Variants in SGCD observed in about 807,000 individuals in gnomAD.
SGCD encodes the protein sarcoglycan delta.
SGCD carries 18 observed loss-of-function variants against 36.6 expected under a neutral mutation model. The ratio of observed to expected loss-of-function variants is 0.49; its 90% confidence interval spans 0.34 to 0.73. The LOEUF (loss-of-function observed/expected upper bound fraction) is 0.73. SGCD is among the 30% of genes least tolerant of loss of function. SGCD has a pLI of 0.01. For synonymous variants in SGCD, 133 were observed against 130.6 expected, an observed-to-expected ratio of 1.02 and a Z score of -0.12; for missense variants, 387 against 346.7, an observed-to-expected ratio of 1.12 and a Z score of -0.92.
At chr5:156,005,391 A>G (rs1465687) in intron 1 of SGCD, among the ~76,000 whole-genome samples, 31,575 of 152,082 alleles carry the variant, frequency 0.21, 4,051 homozygotes, top group South Asian at 0.37. Context: ...TCATGCTACA[A>G]TGAAAATTAG....
chr5:156,368,852 C>G (rs1188012621), intron 3 of SGCD, among the ~76,000 whole-genome samples: 2 of 152,136 alleles, frequency 1.3e-5, no homozygotes, highest in Non-Finnish European at 2.9e-5. Context: ...CCCACTGATT[C>G]TACATTATGC....
chr5:156,752,758 A>G (rs1757197608), intron 7 of SGCD, among the ~76,000 whole-genome samples: 1 of 152,218 alleles, frequency 6.6e-6, no homozygotes, highest in African/African-American at 2.4e-5. Context: ...ATAAAATTTA[A>G]TAATTCAGAT....
chr5:156,413,265 A>G (rs949626366), intron 3 of SGCD, among the ~76,000 whole-genome samples: 3 of 152,244 alleles, frequency 2.0e-5, no homozygotes, highest in Non-Finnish European at 2.9e-5. Flanking sequence ...TCAAATGTTC[A>G]AAGAAGGCAT....
intron 4 of SGCD, among the ~76,000 whole-genome samples, chr5:156,576,258 T>G (rs567985381): frequency 6.6e-6 from 1 of 152,258 alleles, no homozygotes; most frequent in South Asian, 2.1e-4. Flanking sequence ...GTGAACTCAT[T>G]CTTTTTCATG....
the SGCD span, among the ~76,000 whole-genome samples, chr5:155,854,456 T>A: frequency 6.6e-6 from 1 of 152,184 alleles, no homozygotes; most frequent in Non-Finnish European, 1.5e-5. Flanking sequence ...AAGAAGCTTT[T>A]TTTCGTGGAT....
rs1355960929 is a variant in SGCD at position 156,062,203 on chromosome 5, A to G, written c.-281-55675A>G. Reference sequence around the variant, plus strand: ...CGGTGTTTGGTTTTTTGTTCTTGCGATAGTTTACTGAGAATGATGGTTTCC... The same window carrying G: ...CGGTGTTTGGTTTTTTGTTCTTGCGGTAGTTTACTGAGAATGATGGTTTCC... On this transcript the variant is annotated intron_variant, in intron 1 of 9. Transcript: ENST00000517913. 7.8e-5 allele frequency among the ~76,000 whole-genome samples: 6 copies of G among 77,400 alleles called. 1 individual carries two copies. Among genetic ancestry groups the G allele is most frequent in the African/African-American group, 6.4e-4 (6 of 9,352 alleles). 50.8% of individuals were successfully genotyped at this position (77,400 alleles called of 152,430 possible). A position where few individuals can be genotyped will look rare whatever the true frequency, so the allele number is the denominator to read the frequency against.
intron 7 of SGCD, among the ~76,000 whole-genome samples, chr5:156,689,289 G>A (rs1424100138): frequency 6.6e-6 from 1 of 152,160 alleles, no homozygotes; most frequent in African/African-American, 2.4e-5. Context: ...TTAAAAAACA[G>A]ATTGATAGCT....
In SGCD at chr5:156,344,514, A is replaced by G; in HGVS notation, c.29A>G (p.His10Arg). 6.2e-7 allele frequency: 1 copy of G among 1,606,906 alleles called. No homozygotes were observed. The highest frequency in any genetic ancestry group is 8.5e-7 in the Non-Finnish European group (1 of 1,176,940). MMPQEQYTH[H>R]RSTMPGSVGP... ...ATGCCTCAGGAGCAGTACACTCACC[A>G]CCGGAGCACCATGCCTGGCTCTGTG... Residue 10 changes from histidine (H) to arginine (R), a missense_variant, in exon 3 of 9, where the codon CAC becomes CGC. Physicochemically the swap from His to Arg is conservative, Grantham distance 29. Coordinates refer to ENST00000337851, the MANE Select transcript of SGCD (RefSeq NM_000337.6).
chr5:156,673,403 C>A (rs1753382838), intron 7 of SGCD, among the ~76,000 whole-genome samples: 1 of 152,088 alleles, frequency 6.6e-6, no homozygotes, highest in Admixed American at 6.6e-5. Context: ...AATTTGAAGC[C>A]CCTGGCCTAC....
rs374163476 is a variant in SGCD at position 156,608,294 on chromosome 5, G to A, written c.502+13243G>A. ...AGATCTTTATTTCTGCCTTCATTTCGTTATGTACCCAGTAGTCATTCAGGA... is the reference window on the plus strand; with the variant it reads ...AGATCTTTATTTCTGCCTTCATTTCATTATGTACCCAGTAGTCATTCAGGA... On this transcript the variant is annotated intron_variant, in intron 6 of 8. Transcript: ENST00000337851. Among the ~76,000 whole-genome samples the A allele has an allele frequency of 3.8e-4, 58 of 152,198 alleles. 1 individual carries two copies. In the East Asian group the frequency reaches 7.7e-3, roughly 20 times the overall value.
At chr5:156,146,571 C>G (rs750132295) in intron 3 of SGCD, among the ~76,000 whole-genome samples, 1 of 152,200 alleles carries the variant, frequency 6.6e-6, no homozygotes, top group African/African-American at 2.4e-5. Flanking sequence ...CATTACAACT[C>G]TAACTTTAGT....
At chr5:156,574,577 A>G (rs543833452) in intron 4 of SGCD, among the ~76,000 whole-genome samples, 10 of 152,102 alleles carry the variant, frequency 6.6e-5, no homozygotes, top group Non-Finnish European at 1.5e-4. Flanking sequence ...ACAGCACACC[A>G]CAAAGAAAGG....
chr5:155,838,791 AACAATT>A, the SGCD span, among the ~76,000 whole-genome samples: 1 of 140,080 alleles, frequency 7.1e-6, no homozygotes, highest in Non-Finnish European at 1.6e-5. Context: ...AAAAAAAAAA[AACAATT>A]CAATCTACTT....
Position 156,442,134 on chromosome 5 carries a change from G to A in SGCD, c.193-66467G>A, listed in dbSNP as rs146878774. Among the ~76,000 whole-genome samples the A allele has an allele frequency of 9.3e-4, 142 of 152,316 alleles. 1 individual carries two copies. Among genetic ancestry groups the A allele is most frequent in the South Asian group, 6.2e-3 (30 of 4,832 alleles). ...AGATTTAGCTCAGAATTCAGCCGCA[G>A]GGTTGTTTTTTCAGGGCAGAGCAGT... On this transcript the variant is annotated intron_variant, in intron 3 of 8. Transcript: ENST00000337851.
chr5:155,900,425 T>G (rs185281529), intron 1 of SGCD, among the ~76,000 whole-genome samples: 1 of 151,648 alleles, frequency 6.6e-6, no homozygotes. Flanking sequence ...CTAGCTTTTT[T>G]TTATTATTAT....
chr5:156,709,013 G>C (rs570630015), intron 7 of SGCD, among the ~76,000 whole-genome samples: 3 of 151,590 alleles, frequency 2.0e-5, no homozygotes, highest in Non-Finnish European at 4.4e-5. Flanking sequence ...CAGCTAATAA[G>C]AGCCTAGAGT....
chr5:156,241,521 G>C (rs1186933947), intron 3 of SGCD, among the ~76,000 whole-genome samples: 6 of 152,116 alleles, frequency 3.9e-5, no homozygotes, highest in Non-Finnish European at 8.8e-5. Flanking sequence ...CAGGGAGAAA[G>C]CAGCTAGGAT....
chr5:156,358,898 G>A (rs368502268), intron 3 of SGCD, among the ~76,000 whole-genome samples: 2 of 152,100 alleles, frequency 1.3e-5, no homozygotes, highest in East Asian at 3.9e-4. Flanking sequence ...GGTGGTGGGT[G>A]GGGAGACAGG....
chr5:155,965,144 G>C (rs1414187950), intron 1 of SGCD, among the ~76,000 whole-genome samples: 2 of 152,128 alleles, frequency 1.3e-5, no homozygotes, highest in Non-Finnish European at 2.9e-5. Context: ...TGTACACAAA[G>C]AGGGTTGAAG....
Sources: allele counts gnomAD v4.1 joint callset (sites outside exome capture counted in the v4.1 genomes callset), GRCh38; gene constraint gnomAD v4.1.1; transcripts MANE v1.5; gene names NCBI Gene and HGNC (gene_info 2026-07-23, HGNC 2026-07-21).